CCDC178: variants seen among roughly 807,000 people sequenced by gnomAD.
CCDC178 encodes coiled-coil domain containing 178.
A neutral mutation model predicts 117.4 loss-of-function variants in CCDC178; 126 were observed. The ratio of observed to expected loss-of-function variants is 1.07; its 90% CI spans 0.93 to 1.24. The LOEUF is 1.24. Among genes scored for constraint, CCDC178 ranks in the 50% most tolerant of loss-of-function variants. The pLI is 0.00. For missense variants in CCDC178, 1,030 were observed against 986.9 expected (o/e 1.04, Z -0.59); for synonymous variants, 283 against 313.4 (o/e 0.90, Z 1.02).
chr18:33,417,381 T>C (rs1426884610), intron 2 of CCDC178, among the ~76,000 whole-genome samples: 2 of 152,178 alleles, frequency 1.3e-5, no homozygotes, highest in Non-Finnish European at 2.9e-5. Flanking sequence ...ATTCATGACA[T>C]AACATAATTA....
rs73417966 is a variant in CCDC178 at position 33,245,432 on chromosome 18, T to C, written c.1410-4A>G. 1.4e-3 allele frequency: 2,151 copies of C among 1,519,280 alleles called. 24 individuals carry two copies. The African/African-American group carries it at 0.027, about 19-fold the overall frequency. 94.1% of individuals were successfully genotyped at this position (1,519,280 alleles called of 1,614,324 possible). A position where few individuals can be genotyped will look rare whatever the true frequency, so the allele number is the denominator to read the frequency against. On this transcript the variant is annotated splice_region_variant and splice_polypyrimidine_tract_variant and intron_variant, in intron 14 of 22. Coordinates refer to ENST00000383096, the MANE Select transcript of CCDC178 (RefSeq NM_001105528.4). ...GTATTTTGATTTTTTCCGTATGCTG[T>C]AAAAGTAAAGCAAAAATTAATATTA...
intron 21 of CCDC178, among the ~76,000 whole-genome samples, chr18:33,056,172 C>T (rs2056826999): frequency 6.6e-6 from 1 of 152,126 alleles, no homozygotes; most frequent in African/African-American, 2.4e-5. Flanking sequence ...ATGCTACTTA[C>T]TACATGTGAT....
intron 20 of CCDC178, among the ~76,000 whole-genome samples, chr18:33,140,952 G>A (rs1177393690): frequency 1.3e-5 from 2 of 152,104 alleles, no homozygotes; most frequent in Non-Finnish European, 2.9e-5. Flanking sequence ...TCTTTCCTGT[G>A]CTGTTCTTGT....
intron 2 of CCDC178, among the ~76,000 whole-genome samples, chr18:33,424,131 A>G (rs995317726): frequency 6.6e-6 from 1 of 152,116 alleles, no homozygotes; most frequent in Non-Finnish European, 1.5e-5. Flanking sequence ...GTATTCTTCC[A>G]GTAATTATAA....
chr18:33,163,521 T>C (rs939555830), intron 20 of CCDC178, among the ~76,000 whole-genome samples: 4 of 152,202 alleles, frequency 2.6e-5, no homozygotes, highest in Non-Finnish European at 4.4e-5. Flanking sequence ...TATATACTTA[T>C]CAGCTATTAC....
rs533513180 is a variant in CCDC178 at position 33,147,514 on chromosome 18, C to T, written c.2239-54604G>A. On this transcript the variant is annotated intron_variant, in intron 20 of 22. Coordinates refer to ENST00000383096, the MANE Select transcript of CCDC178 (RefSeq NM_001105528.4). Reference sequence around the variant, plus strand: ...TGGTTTTCCTAGGCAGAGGACCCTGCGGCCTTCCACAGTGTTTGTGTCCCT... The same window carrying T: ...TGGTTTTCCTAGGCAGAGGACCCTGTGGCCTTCCACAGTGTTTGTGTCCCT... 1.4e-3 allele frequency among the ~76,000 whole-genome samples: 217 copies of T among 151,582 alleles called. 2 individuals are homozygous for T. The highest frequency in any genetic ancestry group is 3.4e-3 in the Middle Eastern group (1 of 292).
At chr18:33,141,839 C>T (rs796857492) in intron 20 of CCDC178, among the ~76,000 whole-genome samples, 35 of 152,278 alleles carry the variant, frequency 2.3e-4, no homozygotes, top group African/African-American at 8.2e-4. Context: ...GTTTCATGAG[C>T]ATGTCCCTTC....
At chr18:33,043,016 GA>G (rs1405374589) in intron 21 of CCDC178, among the ~76,000 whole-genome samples, 1 of 151,842 alleles carries the variant, frequency 6.6e-6, no homozygotes, top group East Asian at 1.9e-4. Context: ...AAAATGAAAA[GA>G]AAATCGAAAG....
intron 3 of CCDC178, among the ~76,000 whole-genome samples, chr18:33,409,757 G>A (rs900623473): frequency 6.6e-6 from 1 of 152,128 alleles, no homozygotes; most frequent in Non-Finnish European, 1.5e-5. Flanking sequence ...GAAATCTGAT[G>A]ATGGTGTGAA....
At chr18:32,953,570 T>C (rs1171020805) in intron 22 of CCDC178, among the ~76,000 whole-genome samples, 1 of 152,212 alleles carries the variant, frequency 6.6e-6, no homozygotes, top group African/African-American at 2.4e-5. Flanking sequence ...CAAACATTTA[T>C]CCCATTCCTG....
At chr18:33,153,808 CAG>C (rs1170198128) in intron 20 of CCDC178, among the ~76,000 whole-genome samples, 1 of 151,052 alleles carries the variant, frequency 6.6e-6, no homozygotes, top group Non-Finnish European at 1.5e-5. Context: ...TATAAGTAAA[CAG>C]AGAAAAATGG....
intron 2 of CCDC178, among the ~76,000 whole-genome samples, chr18:33,436,187 C>A (rs570474045): frequency 6.6e-6 from 1 of 152,204 alleles, no homozygotes; most frequent in South Asian, 2.1e-4. Context: ...AAAGGAGTTG[C>A]AACCTGGAGT....
At chr18:33,392,407 A>G (rs1191040808) in intron 4 of CCDC178, among the ~76,000 whole-genome samples, 1 of 152,104 alleles carries the variant, frequency 6.6e-6, no homozygotes, top group East Asian at 1.9e-4. Context: ...CTTTAGTTTT[A>G]CTCTAATCTT....
At chr18:33,039,596 A>T (rs566528678) in intron 21 of CCDC178, among the ~76,000 whole-genome samples, 4 of 152,030 alleles carry the variant, frequency 2.6e-5, no homozygotes, top group African/African-American at 9.7e-5. Flanking sequence ...TGAATATAAA[A>T]TACTTGCAGA....
chr18:32,968,897 C>A (rs1204818314), intron 22 of CCDC178, among the ~76,000 whole-genome samples: 1 of 151,948 alleles, frequency 6.6e-6, no homozygotes, highest in Non-Finnish European at 1.5e-5. Context: ...GACTTTCCTT[C>A]ATTTACACAA....
intron 10 of CCDC178, among the ~76,000 whole-genome samples, chr18:33,325,841 A>C (rs2062577371): frequency 6.6e-6 from 1 of 152,206 alleles, no homozygotes; most frequent in Non-Finnish European, 1.5e-5. Context: ...TTGTTGAAGT[A>C]CAACTTATAT....
At chr18:33,056,001 C>T (rs2056824042) in intron 21 of CCDC178, among the ~76,000 whole-genome samples, 1 of 152,062 alleles carries the variant, frequency 6.6e-6, no homozygotes, top group South Asian at 2.1e-4. Flanking sequence ...CAGGGTTTCA[C>T]CATGTTGACC....
intron 19 of CCDC178, among the ~76,000 whole-genome samples, chr18:33,214,452 T>C (rs1433170868): frequency 6.6e-6 from 1 of 151,996 alleles, no homozygotes; most frequent in Non-Finnish European, 1.5e-5. Flanking sequence ...TGAAAGGCCA[T>C]ATAATCCAGC....
At chr18:33,041,898 A>C (rs144779257) in intron 21 of CCDC178, among the ~76,000 whole-genome samples, 2 of 152,014 alleles carry the variant, frequency 1.3e-5, no homozygotes, top group Admixed American at 6.6e-5. Context: ...TTCAGTAAGC[A>C]TTAGGGTACA....
Sources: allele counts gnomAD v4.1 joint callset (sites outside exome capture counted in the v4.1 genomes callset), GRCh38; gene constraint gnomAD v4.1.1; transcripts MANE v1.5; gene names NCBI Gene and HGNC (gene_info 2026-07-23, HGNC 2026-07-21).